The following BICD1 variants were observed in gnomAD, a reference collection of about 807,000 sequenced individuals.
BICD1 encodes the protein protein bicaudal D homolog 1.
In BICD1, 35 loss-of-function variants were observed where a neutral mutation model predicts 92.5. The observed-to-expected ratio is 0.38, with a 90% CI of 0.29 to 0.50. The LOEUF (loss-of-function observed/expected upper bound fraction) is 0.50. Among genes scored for constraint, BICD1 ranks in the 20% least tolerant of loss-of-function variants. BICD1 has a pLI of 0.93. For missense variants in BICD1, 950 were observed against 1,189.8 expected, an observed-to-expected ratio of 0.80 and a Z score of 2.97; for synonymous variants, 429 against 465.1, an observed-to-expected ratio of 0.92 and a Z score of 1.00.
chr12:32,361,048 G>A (rs1262799828), intron 8 of BICD1, among the ~76,000 whole-genome samples: 1 of 152,192 alleles, frequency 6.6e-6, no homozygotes, highest in Non-Finnish European at 1.5e-5. Flanking sequence ...GCAGTGTGAT[G>A]TGGCTGCCCA....
chr12:32,252,198 T>TATATA (rs1565619739), intron 2 of BICD1, among the ~76,000 whole-genome samples: 5 of 86,120 alleles, frequency 5.8e-5, no homozygotes, highest in African/African-American at 1.4e-4. Flanking sequence ...TACTATATAT[T>TATATA]TTATATATAT....
At chr12:32,118,150 C>T (rs1170196205) in intron 1 of BICD1, among the ~76,000 whole-genome samples, 1 of 150,882 alleles carries the variant, frequency 6.6e-6, no homozygotes. Context: ...GGCGCGAACT[C>T]GGCTCACTGC....
At chr12:32,344,021 A>G (rs892986399) in intron 8 of BICD1, among the ~76,000 whole-genome samples, 1 of 152,232 alleles carries the variant, frequency 6.6e-6, no homozygotes, top group Non-Finnish European at 1.5e-5. Context: ...TTTAGTGAAT[A>G]TCTGCTATGT....
intron 4 of BICD1, among the ~76,000 whole-genome samples, chr12:32,315,144 A>G (rs2136233975): frequency 6.6e-6 from 1 of 152,310 alleles, no homozygotes; most frequent in South Asian, 2.1e-4. Context: ...GATATGAGGA[A>G]GAGATCAACA....
At chr12:32,274,185 T>C (rs1592594660) in intron 2 of BICD1, among the ~76,000 whole-genome samples, 3 of 152,324 alleles carry the variant, frequency 2.0e-5, no homozygotes, top group South Asian at 4.1e-4. Flanking sequence ...AACATATAGT[T>C]ACTTAAAAAC....
chr12:32,189,524 C>T (rs151194285), intron 1 of BICD1, among the ~76,000 whole-genome samples: 79 of 152,192 alleles, frequency 5.2e-4, no homozygotes, highest in African/African-American at 1.8e-3. Flanking sequence ...TCAGGCAAAC[C>T]AGCCAAGTAT....
In BICD1 at chr12:32,313,205, C is replaced by T. The variant is rs56144247; in HGVS notation, c.1005+7083C>T. On this transcript the variant is annotated intron_variant, in intron 4 of 9. Transcript: ENST00000652176. This position sits in a 1 kb window ranked among gnomAD's most constrained non-coding sequence, Gnocchi z 4.2. ...TCTGTAAAACTAAAATTAATATATT[C>T]TGTTGCATCCTCATGGATGTGGAAG... Among the ~76,000 whole-genome samples, 11,815 of 151,822 alleles carry T rather than the reference C, an allele frequency of 0.078. 513 individuals carry two copies. The highest frequency in any genetic ancestry group is 0.13 in the Middle Eastern group (38 of 290).
rs1406801773 is a variant in BICD1, at chr12:32,175,945, C to T, written c.214-40302C>T. Among the ~76,000 whole-genome samples, 4 of 152,160 alleles carry T rather than the reference C, an allele frequency of 2.6e-5. No homozygotes were observed. The East Asian group carries it at 7.7e-4, about 29-fold the overall frequency. On this transcript the variant is annotated intron_variant, in intron 1 of 9. Transcript: ENST00000652176. ...TTTACTTCTTGTTTCAGTGGATTTG[C>T]CTGTTCTGGACATTTCATATAAATG...
At chr12:32,318,851 T>C (rs112795850) in intron 4 of BICD1, among the ~76,000 whole-genome samples, 3,197 of 152,160 alleles carry the variant, frequency 0.021, 93 homozygotes, top group African/African-American at 0.072. Flanking sequence ...TGAAACTCCA[T>C]CTGAAAAAAA....
At chr12:32,181,289 A>T (rs1206660662) in intron 1 of BICD1, among the ~76,000 whole-genome samples, 3 of 151,650 alleles carry the variant, frequency 2.0e-5, no homozygotes, top group African/African-American at 7.3e-5. Flanking sequence ...GAGTGGTGGC[A>T]TGCGCCTGTA....
chr12:32,268,848 T>C (rs1451427457), intron 2 of BICD1, among the ~76,000 whole-genome samples: 2 of 152,142 alleles, frequency 1.3e-5, no homozygotes. Context: ...AAGTTAATAA[T>C]TATTATTGTA....
chr12:32,119,764 G>A (rs1942076264), intron 1 of BICD1, among the ~76,000 whole-genome samples: 1 of 152,138 alleles, frequency 6.6e-6, no homozygotes, highest in South Asian at 2.1e-4. Context: ...CCAGCTATTC[G>A]GGAGACTGAG....
intron 2 of BICD1, among the ~76,000 whole-genome samples, chr12:32,230,091 C>T (rs1193141304): frequency 6.6e-6 from 1 of 152,080 alleles, no homozygotes; most frequent in East Asian, 1.9e-4. Context: ...CATCTCCTCA[C>T]TGCGGTGGAA....
At chr12:32,109,685 A>G (rs532916881) in intron 1 of BICD1, 23 of 152,116 alleles carry the variant, frequency 1.5e-4, no homozygotes, top group African/African-American at 5.3e-4. Flanking sequence ...TTATACAGTT[A>G]TATAAAAATG....
At chr12:32,166,425 C>A (rs992253000) in intron 1 of BICD1, among the ~76,000 whole-genome samples, 1 of 152,070 alleles carries the variant, frequency 6.6e-6, no homozygotes, top group Non-Finnish European at 1.5e-5. Context: ...TGTGGGCCAC[C>A]GCGCCAGGCT....
intron 1 of BICD1, among the ~76,000 whole-genome samples, chr12:32,143,276 C>T (rs764416572): frequency 1.3e-5 from 2 of 152,098 alleles, no homozygotes; most frequent in Non-Finnish European, 2.9e-5. Context: ...CCATTTGTGC[C>T]CTTCTCCATC....
chr12:32,192,404 A>G (rs1038864979), intron 1 of BICD1, among the ~76,000 whole-genome samples: 1 of 152,098 alleles, frequency 6.6e-6, no homozygotes, highest in Admixed American at 6.6e-5. Flanking sequence ...ATTGCACTCC[A>G]GCCTGGGTGG....
chr12:32,217,808 A>C (rs539788431), intron 2 of BICD1, among the ~76,000 whole-genome samples: 5 of 152,196 alleles, frequency 3.3e-5, no homozygotes, highest in Non-Finnish European at 7.4e-5. Context: ...AGAAGTGGAC[A>C]GAGGGTCATG....
At chr12:32,353,231 A>G (rs1201932576) in intron 8 of BICD1, 2 of 152,142 alleles carry the variant, frequency 1.3e-5, no homozygotes, top group Non-Finnish European at 2.9e-5. Flanking sequence ...GGAAATTCTT[A>G]TTCTTTTCTT....
Sources: gnomAD v4.1 joint callset for allele counts (sites outside exome capture counted in the v4.1 genomes callset) on GRCh38, gnomAD v4.1.1 for gene constraint, Gnocchi (gnomAD v3.1) non-coding constraint, MANE v1.5 for transcripts, NCBI Gene and HGNC (gene_info 2026-07-23, HGNC 2026-07-21) for gene names.